RASAL2: variants seen among roughly 807,000 people sequenced by gnomAD.
The protein encoded by RASAL2 is RAS protein activator like 2.
Under a neutral mutation model 128.9 loss-of-function variants are expected in RASAL2, and 58 were observed. That is an observed-to-expected ratio of 0.45 (90% CI 0.36 to 0.56). The LOEUF (loss-of-function observed/expected upper bound fraction) is 0.56. RASAL2 is among the 20% of genes least tolerant of loss of function. The pLI, the probability that RASAL2 is intolerant of heterozygous loss-of-function variation, is 0.00. For missense variants in RASAL2, 1,360 were observed against 1,601.6 expected, an observed-to-expected ratio of 0.85 and a Z score of 2.57; for synonymous variants, 561 against 580.8, an observed-to-expected ratio of 0.97 and a Z score of 0.49.
chr1:178,190,173 T>C (rs1043525332), intron 1 of RASAL2, among the ~76,000 whole-genome samples: 1 of 152,186 alleles, frequency 6.6e-6, no homozygotes, highest in Admixed American at 6.5e-5. Context: ...TCTTTTTCCT[T>C]GAAGGAGGGA....
chr1:178,168,907 G>C (rs1385894361), intron 1 of RASAL2, among the ~76,000 whole-genome samples: 1 of 152,000 alleles, frequency 6.6e-6, no homozygotes, highest in Non-Finnish European at 1.5e-5. Flanking sequence ...TAATGTTCCA[G>C]TTCATTGTAG....
At chr1:178,341,633 CG>C (rs750900236) in intron 3 of RASAL2, 1 of 1,613,480 alleles carries the variant, frequency 6.2e-7, no homozygotes, top group East Asian at 2.2e-5. Context: ...AGTCTGAGAC[CG>C]AAATGAAAAG....
intron 1 of RASAL2, among the ~76,000 whole-genome samples, chr1:178,248,476 C>G (rs985824463): frequency 6.6e-6 from 1 of 152,068 alleles, no homozygotes; most frequent in Non-Finnish European, 1.5e-5. Context: ...TACAGCATAT[C>G]GATGGGTCTT....
chr1:178,458,617 A>T (rs537792825), intron 14 of RASAL2, 73 bp downstream of exon 14: 5 of 1,483,250 alleles, frequency 3.4e-6, no homozygotes, highest in Middle Eastern at 2.2e-4. Context: ...TACATAAATC[A>T]TTGGGAAATC....
intron 3 of RASAL2, among the ~76,000 whole-genome samples, chr1:178,364,979 C>T (rs1430752542): frequency 6.6e-6 from 1 of 151,756 alleles, no homozygotes; most frequent in African/African-American, 2.4e-5. Flanking sequence ...TAATCATTAA[C>T]GTCTTTAAAC....
At chr1:178,239,357 A>C (rs1008768821) in intron 1 of RASAL2, among the ~76,000 whole-genome samples, 1 of 152,094 alleles carries the variant, frequency 6.6e-6, no homozygotes, top group Non-Finnish European at 1.5e-5. Context: ...CCCAGATCCA[A>C]GCTTTTTTAA....
intron 1 of RASAL2, among the ~76,000 whole-genome samples, chr1:178,279,918 A>G (rs552058371): frequency 5.3e-5 from 8 of 152,266 alleles, no homozygotes; most frequent in Admixed American, 2.0e-4. Context: ...AAAGGTGTCA[A>G]TATTTGGAAT....
At chr1:178,296,471 T>C (rs931736096) in intron 2 of RASAL2, among the ~76,000 whole-genome samples, 1 of 152,120 alleles carries the variant, frequency 6.6e-6, no homozygotes, top group African/African-American at 2.4e-5. Flanking sequence ...GTGATCCTCT[T>C]GCCTCAGCCT....
At chr1:178,452,707 C>A in intron 11 of RASAL2, 55 bp downstream of exon 11, 1 of 1,460,776 alleles carries the variant, frequency 6.8e-7, no homozygotes, top group Admixed American at 1.7e-5. Context: ...ATACTTGAGG[C>A]CTAAAATTTG....
At chr1:178,438,991 A>G (rs1238522960) in intron 5 of RASAL2, among the ~76,000 whole-genome samples, 3 of 151,526 alleles carry the variant, frequency 2.0e-5, no homozygotes, top group African/African-American at 7.3e-5. Context: ...TGTCAATCAT[A>G]TAAGAGGATA....
chr1:178,216,720 GCCTC>G (rs1663433510), intron 1 of RASAL2, among the ~76,000 whole-genome samples: 1 of 151,486 alleles, frequency 6.6e-6, no homozygotes, highest in Admixed American at 6.6e-5. Flanking sequence ...GCTCACTGCA[GCCTC>G]TGCCTCCTGG....
intron 2 of RASAL2, among the ~76,000 whole-genome samples, chr1:178,295,634 T>C (rs1667463604): frequency 6.6e-6 from 1 of 152,180 alleles, no homozygotes; most frequent in Admixed American, 6.5e-5. Context: ...AGTCGGAGGC[T>C]TGTTAAAACA....
intron 3 of RASAL2, among the ~76,000 whole-genome samples, chr1:178,371,345 C>T (rs1461878069): frequency 7.3e-4 from 107 of 145,992 alleles, no homozygotes; most frequent in African/African-American, 2.8e-3. Context: ...CACACACACA[C>T]ACACACAAAT....
intron 17 of RASAL2, among the ~76,000 whole-genome samples, chr1:178,471,982 T>C (rs1648314834): frequency 6.6e-6 from 1 of 152,228 alleles, no homozygotes; most frequent in South Asian, 2.1e-4. Context: ...CTTTTGGCTT[T>C]GGAGGTATTC....
chr1:178,296,555 G>T (rs565298384), intron 2 of RASAL2, among the ~76,000 whole-genome samples: 2 of 151,492 alleles, frequency 1.3e-5, no homozygotes, highest in African/African-American at 4.9e-5. Context: ...TTAAAGATGG[G>T]GGATCTCACG....
intron 5 of RASAL2, among the ~76,000 whole-genome samples, chr1:178,435,742 T>C (rs1346239798): frequency 6.6e-6 from 1 of 152,112 alleles, no homozygotes; most frequent in Non-Finnish European, 1.5e-5. Flanking sequence ...AAGCAGTTTT[T>C]TATTTAAATC....
rs529016922 is a variant in RASAL2, at chr1:178,460,641, G to C, written c.3252+2097G>C. Among the ~76,000 whole-genome samples, 81 of 152,232 alleles carry C rather than the reference G, an allele frequency of 5.3e-4. 1 individual carries two copies. Among genetic ancestry groups the C allele is most frequent in the Admixed American group, 1.8e-3 (27 of 15,294 alleles). ...GCATGAAGTGGGGTACAGGCACAGT[G>C]AGATGTCCAGGTACAGCTTTGAATA... On this transcript the variant is annotated intron_variant, in intron 14 of 17. Transcript: ENST00000367649.
At chr1:178,367,917 G>A (rs976063393) in intron 3 of RASAL2, among the ~76,000 whole-genome samples, 1 of 152,180 alleles carries the variant, frequency 6.6e-6, no homozygotes, top group Non-Finnish European at 1.5e-5. Flanking sequence ...TGAATGGACA[G>A]TGTTGACATA....
intron 3 of RASAL2, among the ~76,000 whole-genome samples, chr1:178,353,312 T>A (rs1190885357): frequency 2.5e-4 from 38 of 152,314 alleles, no homozygotes; most frequent in Non-Finnish European, 1.5e-5. Context: ...TGCTTAGAGA[T>A]TTCTTCTGCC....
Sources: allele counts gnomAD v4.1 joint callset (sites outside exome capture counted in the v4.1 genomes callset), GRCh38; gene constraint gnomAD v4.1.1; transcripts MANE v1.5; gene names NCBI Gene and HGNC (gene_info 2026-07-23, HGNC 2026-07-21).